The following LEKR1 variants were observed in gnomAD, a reference collection of about 807,000 sequenced individuals.
The protein encoded by LEKR1 is protein LEKR1.
In LEKR1, 59 loss-of-function variants were observed where a neutral mutation model predicts 72.4. That is an observed-to-expected ratio of 0.82 (90% CI 0.66 to 1.01). LEKR1 has a LOEUF of 1.01. Among genes scored for constraint, LEKR1 ranks in the 50% least tolerant of loss-of-function variants. The pLI is 0.00. For missense variants in LEKR1, 728 were observed against 759.2 expected (o/e 0.96, Z 0.48); for synonymous variants, 257 against 263.2 (o/e 0.98, Z 0.23).
chr3:156,943,591 A>G (rs889020843), intron 6 of LEKR1, among the ~76,000 whole-genome samples: 3 of 151,850 alleles, frequency 2.0e-5, no homozygotes, highest in African/African-American at 7.2e-5. Context: ...TGCTTGTCCC[A>G]CTGTGTCTAT....
intron 4 of LEKR1, 93 bp from the exon 5 acceptor site, chr3:156,927,336 C>G: frequency 2.5e-6 from 1 of 393,948 alleles, no homozygotes; most frequent in Non-Finnish European, 3.9e-6. Flanking sequence ...CAATTAGACA[C>G]TAGATTATAT....
At chr3:156,992,803 T>A (rs945772709) in intron 8 of LEKR1, 73 bp downstream of exon 8, 3 of 303,100 alleles carry the variant, frequency 9.9e-6, no homozygotes, top group Non-Finnish European at 1.7e-5. Context: ...AACATTTTAT[T>A]TAAAAGGCAC....
In LEKR1 at chr3:157,045,699, G is replaced by C. The variant is rs1377739805; in HGVS notation, c.2028G>C (p.Glu676Asp). The C allele has an allele frequency of 6.2e-7, 1 of 1,613,068 alleles. No individual in the cohort carries two copies. The change falls in exon 13 of 13, where the codon GAG becomes GAC. Residue 676 changes from glutamate (E) to aspartate (D), a missense_variant. Physicochemically the swap from Glu to Asp is conservative, Grantham distance 45 (BLOSUM62 2). Transcript: ENST00000356539. Reference sequence around the variant, plus strand: ...GGGGTGGAGCATCTTCAGCAAATGAGACTAGACAGAGACTGGCTGCCATTC... The same window carrying C: ...GGGGTGGAGCATCTTCAGCAAATGACACTAGACAGAGACTGGCTGCCATTC... ...PPRGGASSAN[E>D]TRQRLAAILR...
chr3:157,044,892 T>C (rs1012654426), intron 12 of LEKR1, among the ~76,000 whole-genome samples: 3 of 152,240 alleles, frequency 2.0e-5, no homozygotes, highest in Admixed American at 6.5e-5. Flanking sequence ...GTTTATGTTA[T>C]TATAGTATAC....
intron 3 of LEKR1, among the ~76,000 whole-genome samples, chr3:156,898,361 T>C (rs921355761): frequency 2.0e-5 from 3 of 151,996 alleles, no homozygotes; most frequent in African/African-American, 7.3e-5. Context: ...AACCCTTAGA[T>C]AGGAATTTGG....
chr3:156,858,612 T>C (rs1427855938), intron 3 of LEKR1, among the ~76,000 whole-genome samples: 1 of 150,128 alleles, frequency 6.7e-6, no homozygotes, highest in Non-Finnish European at 1.5e-5. Context: ...AGGTGGAGGC[T>C]GCAGTGAGCC....
chr3:156,875,979 C>T (rs1042998337), intron 3 of LEKR1, among the ~76,000 whole-genome samples: 7 of 115,680 alleles, frequency 6.1e-5, no homozygotes, highest in African/African-American at 1.7e-4. Flanking sequence ...TGGGCAACAG[C>T]GAGACTCCAT....
chr3:157,028,867 C>T (rs530492930), intron 12 of LEKR1, among the ~76,000 whole-genome samples: 10 of 152,266 alleles, frequency 6.6e-5, no homozygotes, highest in African/African-American at 1.9e-4. Context: ...AATATGCATG[C>T]GTCGGTTTTC....
Position 157,046,023 on chromosome 3 carries a change from G to A in LEKR1, c.*273G>A. On this transcript the variant is annotated 3_prime_UTR_variant, in exon 13 of 13. Transcript: ENST00000356539. ...TGTTGGAATGTGCTCTATGAATATA[G>A]CCTTTTAGAGATCACAGGTAAAATT... is the stretch of plus-strand genomic sequence containing the variant. 3.1e-6 allele frequency: 1 copy of A among 326,280 alleles called. No individual in the cohort carries two copies. Among genetic ancestry groups the A allele is most frequent in the Non-Finnish European group, 5.6e-6 (1 of 179,674 alleles). 20.2% of individuals were successfully genotyped at this position (326,280 alleles called of 1,614,324 possible).
chr3:156,925,687 G>A (rs1294146042), intron 4 of LEKR1, among the ~76,000 whole-genome samples: 3 of 151,954 alleles, frequency 2.0e-5, no homozygotes, highest in Non-Finnish European at 2.9e-5. Context: ...AGATGAATGG[G>A]TTGTAATTTG....
chr3:156,861,612 A>G (rs888830341), intron 3 of LEKR1, among the ~76,000 whole-genome samples: 1 of 152,132 alleles, frequency 6.6e-6, no homozygotes, highest in Non-Finnish European at 1.5e-5. Flanking sequence ...TGGGAAAGGC[A>G]GGGAAAAAAC....
At chr3:156,884,364 T>G (rs1455391782) in intron 3 of LEKR1, among the ~76,000 whole-genome samples, 1 of 152,190 alleles carries the variant, frequency 6.6e-6, no homozygotes, top group Non-Finnish European at 1.5e-5. Context: ...GTGTTATTGC[T>G]TTATAGGCCC....
At chr3:156,906,077 C>CA (rs1722499616) in intron 3 of LEKR1, among the ~76,000 whole-genome samples, 1 of 152,096 alleles carries the variant, frequency 6.6e-6, no homozygotes, top group South Asian at 2.1e-4. Flanking sequence ...AGGAGCTTGA[C>CA]AAAAAAGAGT....
At chr3:156,948,632 G>A (rs1056949053) in intron 6 of LEKR1, among the ~76,000 whole-genome samples, 1 of 151,338 alleles carries the variant, frequency 6.6e-6, no homozygotes, top group South Asian at 2.1e-4. Context: ...ATAAACATTT[G>A]CATGCATGTG....
At chr3:156,866,138 T>C (rs1048158531) in intron 3 of LEKR1, among the ~76,000 whole-genome samples, 1 of 152,058 alleles carries the variant, frequency 6.6e-6, no homozygotes, top group Non-Finnish European at 1.5e-5. Context: ...TGAGCAGATA[T>C]GAAAAACGTA....
At chr3:156,957,765 T>G (rs1727780756) in intron 6 of LEKR1, among the ~76,000 whole-genome samples, 1 of 152,000 alleles carries the variant, frequency 6.6e-6, no homozygotes, top group African/African-American at 2.4e-5. Flanking sequence ...AGAGCTATTT[T>G]TATTTATTTA....
intron 6 of LEKR1, among the ~76,000 whole-genome samples, chr3:156,953,519 T>C (rs777444072): frequency 4.0e-5 from 6 of 151,738 alleles, no homozygotes; most frequent in Non-Finnish European, 8.9e-5. Flanking sequence ...AACCCCCCAG[T>C]TGACAGGCTC....
chr3:157,011,817 T>C (rs1732913945), intron 10 of LEKR1, among the ~76,000 whole-genome samples: 1 of 152,134 alleles, frequency 6.6e-6, no homozygotes, highest in Non-Finnish European at 1.5e-5. Flanking sequence ...CTACATTTGA[T>C]CATATTCTTA....
chr3:157,035,652 A>T (rs1355948244), intron 12 of LEKR1, among the ~76,000 whole-genome samples: 2 of 152,162 alleles, frequency 1.3e-5, no homozygotes, highest in Admixed American at 6.5e-5. Context: ...TAATCTCAGC[A>T]CTTTGGGAGG....
Sources: gnomAD v4.1 joint callset for allele counts (sites outside exome capture counted in the v4.1 genomes callset) on GRCh38, gnomAD v4.1.1 for gene constraint, MANE v1.5 for transcripts, NCBI Gene and HGNC (gene_info 2026-07-23, HGNC 2026-07-21) for gene names.